SPMIP2: variants seen among roughly 807,000 people sequenced by gnomAD.
The protein encoded by SPMIP2 is sperm microtubule inner protein 2.
At chr4:158,965,912 T>C in the SPMIP2 span, among the ~76,000 whole-genome samples, 1 of 152,192 alleles carries the variant, frequency 6.6e-6, no homozygotes, top group African/African-American at 2.4e-5. Context: ...TGATGTTGTA[T>C]TGATGTTGTC....
the SPMIP2 span, among the ~76,000 whole-genome samples, chr4:159,004,624 A>G: frequency 6.7e-6 from 1 of 148,684 alleles, no homozygotes; most frequent in Admixed American, 6.6e-5. Flanking sequence ...GAGCCATTCT[A>G]TGAGTTCCTA....
the SPMIP2 span, among the ~76,000 whole-genome samples, chr4:158,942,167 GAA>G: frequency 6.6e-6 from 1 of 152,218 alleles, no homozygotes; most frequent in African/African-American, 2.4e-5. Flanking sequence ...AGCTAGAAAT[GAA>G]AAGTTTTTAT....
At chr4:159,020,785 G>A in the SPMIP2 span, among the ~76,000 whole-genome samples, 1 of 151,960 alleles carries the variant, frequency 6.6e-6, no homozygotes, top group Non-Finnish European at 1.5e-5. Context: ...TTGTTGAGAC[G>A]GTGTCTCACT....
the SPMIP2 span, among the ~76,000 whole-genome samples, chr4:159,029,811 C>G: frequency 6.6e-6 from 1 of 152,138 alleles, no homozygotes; most frequent in Non-Finnish European, 1.5e-5. Flanking sequence ...GAAAAGAGAA[C>G]ATTTTTTTCA....
the SPMIP2 span, among the ~76,000 whole-genome samples, chr4:158,975,498 G>A: frequency 6.6e-6 from 1 of 152,142 alleles, no homozygotes; most frequent in African/African-American, 2.4e-5. Context: ...AAGGGGTCCA[G>A]TTTCAGTTTT....
the SPMIP2 span, chr4:159,064,287 T>A: frequency 6.6e-6 from 1 of 152,070 alleles, no homozygotes; most frequent in Non-Finnish European, 1.5e-5. Context: ...TTATTATTAT[T>A]ATTATTTTTT....
the SPMIP2 span, among the ~76,000 whole-genome samples, chr4:158,924,298 GT>G: frequency 1.3e-5 from 2 of 152,152 alleles, no homozygotes. Flanking sequence ...TTTGTTGAGT[GT>G]TTTTCATCAT....
At chr4:159,007,563 G>T in the SPMIP2 span, 1 of 1,090,736 alleles carries the variant, frequency 9.2e-7, no homozygotes, top group Non-Finnish European at 1.4e-6. Context: ...GCTGGAGAGG[G>T]TGAATGCCGT....
chr4:158,922,537 C>G, the SPMIP2 span, among the ~76,000 whole-genome samples: 2 of 152,184 alleles, frequency 1.3e-5, no homozygotes, highest in Non-Finnish European at 2.9e-5. Flanking sequence ...TTTTATATCA[C>G]TAGATCCAGA....
the SPMIP2 span, chr4:159,007,525 AT>A: frequency 2.2e-6 from 2 of 894,394 alleles, no homozygotes; most frequent in East Asian, 3.3e-5. Flanking sequence ...AAGATGGATG[AT>A]TTTGGGGTAG....
chr4:158,945,579 A>G, the SPMIP2 span, among the ~76,000 whole-genome samples: 3 of 152,364 alleles, frequency 2.0e-5, no homozygotes, highest in East Asian at 5.8e-4. Context: ...ATAATTTTAA[A>G]GCACCCTTGC....
At chr4:159,000,973 T>G in the SPMIP2 span, among the ~76,000 whole-genome samples, 7 of 152,234 alleles carry the variant, frequency 4.6e-5, no homozygotes, top group Non-Finnish European at 1.0e-4. Flanking sequence ...CATTTGTGTA[T>G]TAATCTTTTT....
chr4:159,017,269 T>A, the SPMIP2 span, among the ~76,000 whole-genome samples: 1 of 151,994 alleles, frequency 6.6e-6, no homozygotes, highest in Non-Finnish European at 1.5e-5. Context: ...TAAACAGTTA[T>A]CCCGAATGAC....
chr4:159,004,266 A>G, the SPMIP2 span, among the ~76,000 whole-genome samples: 1 of 128,684 alleles, frequency 7.8e-6, no homozygotes, highest in Non-Finnish European at 1.6e-5. Context: ...GGAATTAGAG[A>G]TTGTCTGAAG....
the SPMIP2 span, chr4:158,904,779 G>T: frequency 2.0e-6 from 1 of 489,434 alleles, no homozygotes; most frequent in African/African-American, 1.9e-5. Flanking sequence ...TGTTACCCAT[G>T]AATCAACAAA....
the SPMIP2 span, chr4:159,034,955 C>T: frequency 1.0e-6 from 1 of 1,004,708 alleles, no homozygotes; most frequent in Non-Finnish European, 1.5e-6. Context: ...TTGTTATATC[C>T]ATTATATAAA....
chr4:158,946,606 C>G, the SPMIP2 span, among the ~76,000 whole-genome samples: 5 of 152,134 alleles, frequency 3.3e-5, no homozygotes, highest in South Asian at 2.1e-4. Flanking sequence ...CTGAGGCCTC[C>G]CCAGCCATGC....
chr4:158,903,604 T>G, the SPMIP2 span, among the ~76,000 whole-genome samples: 1 of 152,158 alleles, frequency 6.6e-6, no homozygotes, highest in East Asian at 1.9e-4. Flanking sequence ...CATCCTTCCT[T>G]TATCCCCTTC....
the SPMIP2 span, among the ~76,000 whole-genome samples, chr4:158,996,270 C>G: frequency 6.6e-6 from 1 of 152,030 alleles, no homozygotes; most frequent in Non-Finnish European, 1.5e-5. Context: ...TAAAACTGAC[C>G]CATCTTGACA....
Sources: allele counts gnomAD v4.1 joint callset (sites outside exome capture counted in the v4.1 genomes callset), GRCh38; gene constraint gnomAD v4.1.1; transcripts MANE v1.5; gene names NCBI Gene and HGNC (gene_info 2026-07-23, HGNC 2026-07-21).